Variants in SEMA5A observed in about 807,000 individuals in gnomAD.
SEMA5A encodes the protein semaphorin 5A, also known as semaphorin-5A.
Under a neutral mutation model 135.5 loss-of-function variants are expected in SEMA5A, and 55 were observed. The ratio of observed to expected loss-of-function variants is 0.41; its 90% CI spans 0.33 to 0.51. The LOEUF (loss-of-function observed/expected upper bound fraction) is 0.51, where lower values mean the gene tolerates loss of function less well. Ranked by LOEUF, SEMA5A falls within the 20% of genes least tolerant of loss-of-function variation. SEMA5A has a pLI of 0.37. For missense variants in SEMA5A, 1,290 were observed against 1,419.9 expected, an observed-to-expected ratio of 0.91 and a Z score of 1.47; for synonymous variants, 580 against 546.5, an observed-to-expected ratio of 1.06 and a Z score of -0.85.
At chr5:9,292,512 G>A (rs1751135362) in intron 5 of SEMA5A, among the ~76,000 whole-genome samples, 1 of 152,100 alleles carries the variant, frequency 6.6e-6, no homozygotes, top group Non-Finnish European at 1.5e-5. Context: ...TATTAATACA[G>A]AAATTGTAGT....
At chr5:9,126,864 G>A (rs1034622956) in intron 13 of SEMA5A, among the ~76,000 whole-genome samples, 1 of 152,174 alleles carries the variant, frequency 6.6e-6, no homozygotes, top group Non-Finnish European at 1.5e-5. Flanking sequence ...GTTATCTATA[G>A]GGGTGAGTTA....
chr5:9,287,851 TAACTTAAA>T (rs1310984697), intron 5 of SEMA5A, among the ~76,000 whole-genome samples: 1 of 152,062 alleles, frequency 6.6e-6, no homozygotes, highest in Admixed American at 6.6e-5. Flanking sequence ...TATGGCAAAG[TAACTTAAA>T]AATTATTTCC....
chr5:9,297,395 C>T (rs191718261), intron 5 of SEMA5A, among the ~76,000 whole-genome samples: 1 of 152,020 alleles, frequency 6.6e-6, no homozygotes, highest in African/African-American at 2.4e-5. Flanking sequence ...GAGGGTGACA[C>T]CTTCTGATTG....
chr5:9,410,503 C>T (rs1190143679), intron 2 of SEMA5A, among the ~76,000 whole-genome samples: 1 of 152,088 alleles, frequency 6.6e-6, no homozygotes, highest in Non-Finnish European at 1.5e-5. Context: ...ACTCTTTTCA[C>T]AGATATAAAT....
At position 9,226,896 on chromosome 5, in the gene SEMA5A, T is replaced by A. The variant is rs200412516; in HGVS notation, c.405A>T (p.Ala135=). The change falls in exon 7 of 23, where the codon GCA becomes GCT. Residue 135 remains alanine, a synonymous_variant. Coordinates refer to ENST00000382496, the MANE Select transcript of SEMA5A (RefSeq NM_003966.3). ...GDRLFTCGTN[A]FTPVCTNRSL... Reference sequence around the variant, plus strand: ...AGCGGTTGGTGCAGACAGGCGTGAATGCATTGGTCCCACAGGTGAATAACC... The same window carrying A: ...AGCGGTTGGTGCAGACAGGCGTGAAAGCATTGGTCCCACAGGTGAATAACC... The A allele has an allele frequency of 6.3e-7, 1 of 1,598,400 alleles. No individual in the cohort carries two copies. The highest frequency in any genetic ancestry group is 8.5e-7 in the Non-Finnish European group (1 of 1,171,174).
At chr5:9,195,025 A>C (rs1018459109) in intron 10 of SEMA5A, among the ~76,000 whole-genome samples, 2 of 152,270 alleles carry the variant, frequency 1.3e-5, no homozygotes, top group Non-Finnish European at 2.9e-5. Flanking sequence ...TGGAAAATAC[A>C]GTAAGCATTA....
rs1402350244 is a variant in SEMA5A at position 9,384,653 on chromosome 5, TAG to T, written c.-77-4632_-77-4631del. ...ATAGATAGATAGATAGATAGATAGATAGATAGATATAGATAGATAGATATAGA... is the reference window on the plus strand; with the variant it reads ...ATAGATAGATAGATAGATAGATAGATATAGATATAGATAGATAGATATAGA... On this transcript the variant is annotated intron_variant, in intron 2 of 22. Coordinates refer to ENST00000382496, the MANE Select transcript of SEMA5A (RefSeq NM_003966.3). 2.5e-3 allele frequency among the ~76,000 whole-genome samples: 324 copies of T among 130,516 alleles called. 8 individuals are homozygous for T. The highest frequency in any genetic ancestry group is 5.0e-3 in the African/African-American group (172 of 34,256). The allele number at this position is 130,516 out of a possible 152,430, so 85.6% of individuals were successfully genotyped here.
At chr5:9,495,302 C>G (rs556864091) in intron 1 of SEMA5A, among the ~76,000 whole-genome samples, 10 of 152,198 alleles carry the variant, frequency 6.6e-5, no homozygotes, top group African/African-American at 2.4e-4. Flanking sequence ...CAACGTCACA[C>G]AAGAGCAAAT....
chr5:9,149,405 A>G (rs1742510076), intron 12 of SEMA5A, among the ~76,000 whole-genome samples: 1 of 152,190 alleles, frequency 6.6e-6, no homozygotes. Context: ...GCAATTTGGG[A>G]GGCTGAGGTG....
intron 4 of SEMA5A, among the ~76,000 whole-genome samples, chr5:9,319,321 A>G (rs906454210): frequency 1.3e-5 from 2 of 152,222 alleles, no homozygotes; most frequent in African/African-American, 4.8e-5. Context: ...AACTGATGAC[A>G]TCAAGGGCTT....
chr5:9,341,087 T>C (rs1012195090), intron 3 of SEMA5A, among the ~76,000 whole-genome samples: 12 of 152,060 alleles, frequency 7.9e-5, no homozygotes, highest in African/African-American at 2.4e-4. Flanking sequence ...ATATTTTTAT[T>C]ACACTCCCTT....
At chr5:9,490,845 C>T (rs1734966945) in intron 1 of SEMA5A, among the ~76,000 whole-genome samples, 1 of 152,212 alleles carries the variant, frequency 6.6e-6, no homozygotes, top group African/African-American at 2.4e-5. Context: ...CAAATTATCT[C>T]AGAGCTGGTA....
At position 9,318,393 on chromosome 5, in the gene SEMA5A, A is replaced by T. The variant is rs1389551670; in HGVS notation, c.249T>A (p.Leu83=). The T allele has an allele frequency of 6.2e-7, 1 of 1,612,694 alleles. No individual in the cohort carries two copies. Among genetic ancestry groups the T allele is most frequent in the African/African-American group, 1.3e-5 (1 of 74,906 alleles). ...GARNYLFRLQ[L]EDLSLIQAVE... The stretch of plus-strand genomic sequence containing the variant: ...CTACCTGGATAAGAGACAGATCCTC[A>T]AGCTGTAACCTGAAGAGGTAGTTTC... Residue 83 remains leucine (L), a synonymous_variant, in exon 5 of 23, where the codon CTT becomes CTA. Coordinates refer to ENST00000382496, the MANE Select transcript of SEMA5A (RefSeq NM_003966.3).
chr5:9,371,343 T>C (rs570087114), intron 3 of SEMA5A, among the ~76,000 whole-genome samples: 1 of 152,276 alleles, frequency 6.6e-6, no homozygotes, highest in South Asian at 2.1e-4. Flanking sequence ...AGGGACCCTC[T>C]CAGGTCTCAT....
At chr5:9,372,143 C>G (rs1230950342) in intron 3 of SEMA5A, among the ~76,000 whole-genome samples, 3 of 152,210 alleles carry the variant, frequency 2.0e-5, no homozygotes, top group Admixed American at 6.5e-5. Context: ...TATATTCAGA[C>G]TCAGAAACCT....
At chr5:9,503,456 T>C (rs1166296423) in intron 1 of SEMA5A, among the ~76,000 whole-genome samples, 1 of 152,170 alleles carries the variant, frequency 6.6e-6, no homozygotes, top group African/African-American at 2.4e-5. Flanking sequence ...AGTGAGTTAA[T>C]TTCAGAGCCA....
At chr5:9,102,365 G>T (rs980864157) in intron 16 of SEMA5A, among the ~76,000 whole-genome samples, 1 of 152,146 alleles carries the variant, frequency 6.6e-6, no homozygotes, top group Non-Finnish European at 1.5e-5. Flanking sequence ...AGTCTAGGAA[G>T]ACAGGAAATG....
intron 11 of SEMA5A, among the ~76,000 whole-genome samples, chr5:9,169,300 C>T (rs1743784110): frequency 6.6e-6 from 1 of 152,176 alleles, no homozygotes; most frequent in Non-Finnish European, 1.5e-5. Flanking sequence ...AATATATACA[C>T]TTTGTATTTT....
At chr5:9,269,116 C>A (rs1749835799) in intron 5 of SEMA5A, among the ~76,000 whole-genome samples, 2 of 152,056 alleles carry the variant, frequency 1.3e-5, no homozygotes, top group African/African-American at 2.4e-5. Context: ...GAGAGAAAAT[C>A]CGCGGGATGG....
Sources: gnomAD v4.1 joint callset for allele counts (sites outside exome capture counted in the v4.1 genomes callset) on GRCh38, gnomAD v4.1.1 for gene constraint, MANE v1.5 for transcripts, NCBI Gene and HGNC (gene_info 2026-07-23, HGNC 2026-07-21) for gene names.